DOCK10: variants seen among roughly 807,000 people sequenced by gnomAD.
DOCK10 encodes the protein dedicator of cytokinesis 10, also known as dedicator of cytokinesis protein 10.
In DOCK10, 145 loss-of-function variants were observed where a neutral mutation model predicts 280.1. The observed-to-expected ratio is 0.52, with a 90% CI of 0.45 to 0.59. The LOEUF (loss-of-function observed/expected upper bound fraction) is 0.59. Ranked by LOEUF, DOCK10 falls within the 20% of genes least tolerant of loss-of-function variation. The pLI is 0.00. For missense variants in DOCK10, 2,368 were observed against 2,651.7 expected (o/e 0.89, Z 2.35); for synonymous variants, 915 against 942.2 (o/e 0.97, Z 0.53).
intron 3 of DOCK10, among the ~76,000 whole-genome samples, chr2:224,916,409 C>T (rs1442332304): frequency 3.3e-5 from 5 of 152,028 alleles, no homozygotes; most frequent in Non-Finnish European, 7.4e-5. Context: ...GGTGTGATGG[C>T]GTGTGCCTGT....
intron 3 of DOCK10, among the ~76,000 whole-genome samples, chr2:224,904,759 A>C (rs1433892562): frequency 6.6e-6 from 1 of 152,222 alleles, no homozygotes; most frequent in Non-Finnish European, 1.5e-5. Context: ...AGCATACTAA[A>C]CAAAGGCATT....
At chr2:224,974,822 A>ATATATATAT (rs1433362654) in intron 1 of DOCK10, among the ~76,000 whole-genome samples, 2 of 131,510 alleles carry the variant, frequency 1.5e-5, no homozygotes, top group Admixed American at 1.7e-4. Context: ...TATATATAAT[A>ATATATATAT]TATATATATT....
chr2:224,969,370 C>G (rs1257099612), intron 1 of DOCK10, among the ~76,000 whole-genome samples: 1 of 152,210 alleles, frequency 6.6e-6, no homozygotes, highest in Non-Finnish European at 1.5e-5. Context: ...TGTAGGTGAA[C>G]TTGGGTGATT....
intron 1 of DOCK10, among the ~76,000 whole-genome samples, chr2:225,020,327 C>A (rs1689752429): frequency 6.6e-6 from 1 of 152,054 alleles, no homozygotes; most frequent in Non-Finnish European, 1.5e-5. Context: ...GTCTATAGAG[C>A]AGAATAGATG....
In DOCK10 at chr2:224,849,165, G is replaced by T. The variant is rs577134567; in HGVS notation, c.2235+342C>A. Among the ~76,000 whole-genome samples the T allele has an allele frequency of 4.6e-5, 7 of 152,116 alleles. 1 individual carries two copies. Among genetic ancestry groups the T allele is most frequent in the African/African-American group, 1.7e-4 (7 of 41,482 alleles). ...TAATTTTTGTATTTTTAGTAGAGACGGGGTTTCACCATGTTGGCCAGGATG... is the reference window on the plus strand; with the variant it reads ...TAATTTTTGTATTTTTAGTAGAGACTGGGTTTCACCATGTTGGCCAGGATG... On this transcript the variant is annotated intron_variant, in intron 19 of 55. Coordinates refer to ENST00000258390, the MANE Select transcript of DOCK10 (RefSeq NM_014689.3).
At chr2:224,945,208 G>A (rs1291365045) in intron 1 of DOCK10, among the ~76,000 whole-genome samples, 1 of 152,102 alleles carries the variant, frequency 6.6e-6, no homozygotes, top group Non-Finnish European at 1.5e-5. Context: ...ATGTTTTGGG[G>A]ACAAGACTCA....
At chr2:224,886,560 A>AT (rs773074633) in intron 4 of DOCK10, 29 bp from the exon 5 acceptor site, 3 of 1,555,240 alleles carry the variant, frequency 1.9e-6, no homozygotes, top group Middle Eastern at 1.7e-4. Context: ...AAAGATTCTG[A>AT]TTTGTCATTG....
rs1417353989 is a variant in DOCK10 at position 225,014,182 on chromosome 2, G to A, written c.123+28070C>T. On this transcript the variant is annotated intron_variant, in intron 1 of 55. Transcript: ENST00000258390. The stretch of plus-strand genomic sequence containing the variant: ...AATCAAAAGTCCCCAAATCAATGTG[G>A]ATTTTTAAAGCCACATTTTGCCTCT... 6.1e-5 allele frequency among the ~76,000 whole-genome samples: 9 copies of A among 147,646 alleles called. No homozygotes were observed. The Admixed American group carries it at 6.2e-4, about 10-fold the overall frequency.
Position 224,845,463 on chromosome 2 carries a change from A to G in DOCK10, c.2359+56T>C, listed in dbSNP as rs185737363. On this transcript the variant is annotated intron_variant, in intron 20 of 55. Transcript: ENST00000258390. ...AATCAGGGCTTTGAAAACACTCTCC[A>G]AACCAATTCAAACAGAAGACATGTG... is the stretch of plus-strand genomic sequence containing the variant. 8 of 1,584,282 alleles carry G rather than the reference A, an allele frequency of 5.0e-6. No individual in the cohort carries two copies. The East Asian group carries it at 1.8e-4, about 36-fold the overall frequency.
chr2:224,936,936 A>C (rs1279020074), intron 1 of DOCK10, among the ~76,000 whole-genome samples: 2 of 152,198 alleles, frequency 1.3e-5, no homozygotes, highest in Non-Finnish European at 2.9e-5. Context: ...GAAAAATCAC[A>C]GTGAGACTTC....
At chr2:224,908,080 G>A (rs74952507) in intron 3 of DOCK10, among the ~76,000 whole-genome samples, 2,544 of 151,296 alleles carry the variant, frequency 0.017, 39 homozygotes, top group Non-Finnish European at 0.024. Flanking sequence ...ATGTGTGTGA[G>A]ACACTTAGGA....
chr2:224,935,819 T>C (rs550315243), intron 1 of DOCK10, among the ~76,000 whole-genome samples: 1 of 152,346 alleles, frequency 6.6e-6, no homozygotes, highest in South Asian at 2.1e-4. Flanking sequence ...CAATAACTAT[T>C]TGTTAAATAA....
intron 3 of DOCK10, among the ~76,000 whole-genome samples, chr2:224,902,990 CG>C (rs202073274): frequency 0.023 from 3,548 of 152,036 alleles, 139 homozygotes; most frequent in African/African-American, 0.081. Context: ...CCCAGCTACT[CG>C]GGAGGCTGAG....
intron 11 of DOCK10, among the ~76,000 whole-genome samples, chr2:224,871,441 G>A (rs573140625): frequency 6.6e-6 from 1 of 152,250 alleles, no homozygotes; most frequent in African/African-American, 2.4e-5. Context: ...TTCAAGCCAT[G>A]CAATAAACGG....
chr2:224,921,112 A>AAAAAAATATATATATATATATATATAT, intron 2 of DOCK10, among the ~76,000 whole-genome samples: 3 of 54,398 alleles, frequency 5.5e-5, no homozygotes, highest in Non-Finnish European at 8.9e-5. Context: ...AAAAAAAAAA[A>AAAAAAATATATATATATATATATATAT]ATATATATAT....
intron 3 of DOCK10, among the ~76,000 whole-genome samples, chr2:224,908,164 A>AG (rs1212980783): frequency 1.5e-4 from 19 of 122,786 alleles, no homozygotes; most frequent in Middle Eastern, 4.1e-3. Flanking sequence ...GATTTAAATG[A>AG]GTTGTGTGTG....
chr2:225,020,754 C>T, intron 1 of DOCK10, among the ~76,000 whole-genome samples: 1 of 152,224 alleles, frequency 6.6e-6, no homozygotes. Flanking sequence ...CCAATTTCTA[C>T]ACACACTAGA....
chr2:224,964,503 C>A (rs1381412420), intron 1 of DOCK10, among the ~76,000 whole-genome samples: 1 of 150,124 alleles, frequency 6.7e-6, no homozygotes, highest in Non-Finnish European at 1.5e-5. Context: ...TCGTTTCTTT[C>A]TTTTTTCTTT....
intron 14 of DOCK10, among the ~76,000 whole-genome samples, chr2:224,858,648 G>A (rs1574949689): frequency 6.6e-6 from 1 of 152,002 alleles, no homozygotes; most frequent in Non-Finnish European, 1.5e-5. Context: ...GCGAGACTCC[G>A]TCTCAAAAAA....
Sources: gnomAD v4.1 joint callset for allele counts (sites outside exome capture counted in the v4.1 genomes callset) on GRCh38, gnomAD v4.1.1 for gene constraint, MANE v1.5 for transcripts, NCBI Gene and HGNC (gene_info 2026-07-23, HGNC 2026-07-21) for gene names.